The following AFF3 variants were observed in gnomAD, a reference collection of about 807,000 sequenced individuals.
AFF3 encodes the protein AF4/FMR2 family member 3.
A neutral mutation model predicts 129.7 loss-of-function variants in AFF3; 32 were observed. The observed-to-expected ratio is 0.25, with a 90% confidence interval of 0.19 to 0.33. The LOEUF (loss-of-function observed/expected upper bound fraction) is 0.33. Among genes scored for constraint, AFF3 ranks in the 10% least tolerant of loss-of-function variants. AFF3 has a pLI of 1.00. For synonymous variants in AFF3, 644 were observed against 635.4 expected (o/e 1.01, Z -0.20); for missense variants, 1,373 against 1,592.0 (o/e 0.86, Z 2.34).
chr2:99,558,725 A>C, intron 22 of AFF3, 150 bp downstream of exon 22: 1 of 601,326 alleles, frequency 1.7e-6, no homozygotes, highest in Non-Finnish European at 2.9e-6. Context: ...GAGGCCTGAA[A>C]GCCACAAGTG....
chr2:100,078,694 G>A (rs754054573), intron 4 of AFF3, among the ~76,000 whole-genome samples: 17 of 152,078 alleles, frequency 1.1e-4, no homozygotes, highest in African/African-American at 2.7e-4. Context: ...TTATATAGCC[G>A]TCCCTTGGTA....
intron 13 of AFF3, among the ~76,000 whole-genome samples, chr2:99,648,760 C>T (rs2105589311): frequency 6.6e-6 from 1 of 152,060 alleles, no homozygotes. Flanking sequence ...TGAAGGTTAG[C>T]TAGACAATGT....
chr2:99,692,012 C>A (rs181407143), intron 11 of AFF3, among the ~76,000 whole-genome samples: 2 of 152,314 alleles, frequency 1.3e-5, no homozygotes, highest in East Asian at 3.9e-4. Flanking sequence ...TCTGAACAGC[C>A]TTCTCCCCCT....
intron 4 of AFF3, among the ~76,000 whole-genome samples, chr2:100,009,926 G>A (rs62149314): frequency 0.12 from 17,550 of 152,190 alleles, 1,292 homozygotes; most frequent in Non-Finnish European, 0.15. Flanking sequence ...CCCAGCAGAA[G>A]CAGGTGGGTT....
intron 4 of AFF3, among the ~76,000 whole-genome samples, chr2:100,048,633 T>C (rs1454391163): frequency 6.6e-6 from 1 of 152,218 alleles, no homozygotes; most frequent in African/African-American, 2.4e-5. Context: ...TACAGAGAGA[T>C]ATCCACATGG....
At chr2:99,638,027 A>T (rs1473339227) in intron 13 of AFF3, among the ~76,000 whole-genome samples, 1 of 152,108 alleles carries the variant, frequency 6.6e-6, no homozygotes, top group African/African-American at 2.4e-5. Context: ...TCTGAGGATG[A>T]GTTCAGAAGA....
intron 8 of AFF3, among the ~76,000 whole-genome samples, chr2:99,769,907 C>T (rs1050972170): frequency 6.6e-6 from 1 of 152,190 alleles, no homozygotes; most frequent in Non-Finnish European, 1.5e-5. Context: ...ACATAAGCAC[C>T]CCTGTGGCTA....
rs568710264 is a variant in AFF3, at chr2:99,863,899, AAAG to A, written c.874-26378_874-26376del. 2.5e-4 allele frequency among the ~76,000 whole-genome samples: 38 copies of A among 152,350 alleles called. 1 individual carries two copies. The highest frequency in any genetic ancestry group is 9.1e-4 in the African/African-American group (38 of 41,576). ...GCAAACTCTCCATGTTGGAAATGAC[AAAG>A]AAGGGACAAAAGAAAGATAACATGA... On this transcript the variant is annotated intron_variant, in intron 7 of 24. Transcript: ENST00000672756.
At chr2:100,048,636 C>T (rs1686033132) in intron 4 of AFF3, among the ~76,000 whole-genome samples, 1 of 152,146 alleles carries the variant, frequency 6.6e-6, no homozygotes, top group Admixed American at 6.5e-5. Context: ...AGAGAGATAT[C>T]CACATGGAAA....
intron 7 of AFF3, among the ~76,000 whole-genome samples, chr2:99,886,841 T>A (rs921477858): frequency 2.6e-5 from 4 of 152,234 alleles, no homozygotes; most frequent in Admixed American, 2.6e-4. Context: ...ACCATATGTA[T>A]TTAGGATACT....
intron 4 of AFF3, among the ~76,000 whole-genome samples, chr2:100,094,621 G>C (rs1690144912): frequency 6.7e-6 from 1 of 149,318 alleles, no homozygotes; most frequent in African/African-American, 2.5e-5. Flanking sequence ...CAGCCCGGGG[G>C]CTGGGGACCC....
intron 7 of AFF3, among the ~76,000 whole-genome samples, chr2:99,880,074 C>A (rs1692596560): frequency 6.6e-6 from 1 of 152,114 alleles, no homozygotes; most frequent in Non-Finnish European, 1.5e-5. Flanking sequence ...CAGCAAGGAT[C>A]GTTTGGTAAG....
At position 99,756,421 on chromosome 2, in the gene AFF3, G is replaced by C. The variant is rs17023080; in HGVS notation, c.922-4120C>G. ...CCTCCTATGGCACTGAATAAACAAA[G>C]GCTCTTAAGTGTAAATGTTTCCCAA... On this transcript the variant is annotated intron_variant, in intron 8 of 24. Transcript: ENST00000672756. 6.6e-3 allele frequency among the ~76,000 whole-genome samples: 1,005 copies of C among 152,324 alleles called. 7 individuals carry two copies. The highest frequency in any genetic ancestry group is 0.023 in the African/African-American group (965 of 41,572).
intron 7 of AFF3, among the ~76,000 whole-genome samples, chr2:99,933,966 G>A (rs1011410821): frequency 2.0e-5 from 3 of 152,158 alleles, no homozygotes; most frequent in Non-Finnish European, 4.4e-5. Context: ...CTGGGTCCCC[G>A]TAGCTATCAC....
chr2:100,032,512 G>A (rs1016303449), intron 4 of AFF3, among the ~76,000 whole-genome samples: 3 of 151,936 alleles, frequency 2.0e-5, no homozygotes, highest in South Asian at 2.1e-4. Flanking sequence ...AAGTTCTGTC[G>A]AAGTTCTCAA....
At chr2:99,921,300 T>C (rs1695842881) in intron 7 of AFF3, among the ~76,000 whole-genome samples, 2 of 152,128 alleles carry the variant, frequency 1.3e-5, no homozygotes, top group African/African-American at 4.8e-5. Context: ...ACAAAATTCT[T>C]AGAGTAGTCT....
chr2:99,971,244 C>T (rs2104425123), intron 7 of AFF3, among the ~76,000 whole-genome samples: 1 of 152,272 alleles, frequency 6.6e-6, no homozygotes, highest in South Asian at 2.1e-4. Flanking sequence ...TCTTTCTGCC[C>T]AGGTCTCCGT....
At chr2:99,579,408 A>C (rs1356234611) in intron 17 of AFF3, among the ~76,000 whole-genome samples, 1 of 140,990 alleles carries the variant, frequency 7.1e-6, no homozygotes, top group Non-Finnish European at 1.5e-5. Flanking sequence ...TCCGTCTCAA[A>C]AAAAAAAAAA....
chr2:100,021,255 G>A (rs1683570046), intron 4 of AFF3, among the ~76,000 whole-genome samples: 1 of 152,148 alleles, frequency 6.6e-6, no homozygotes, highest in Non-Finnish European at 1.5e-5. Context: ...TCTACATCTA[G>A]TTTCTATCAA....
Sources: allele counts gnomAD v4.1 joint callset (sites outside exome capture counted in the v4.1 genomes callset), GRCh38; gene constraint gnomAD v4.1.1; transcripts MANE v1.5; gene names NCBI Gene and HGNC (gene_info 2026-07-23, HGNC 2026-07-21).